SUMF2: variants seen among roughly 807,000 people sequenced by gnomAD.
SUMF2 encodes the protein inactive C-alpha-formylglycine-generating enzyme 2.
Under a neutral mutation model 44.8 loss-of-function variants are expected in SUMF2, and 45 were observed. That is an observed-to-expected ratio of 1.00 (90% CI 0.79 to 1.29). The LOEUF (loss-of-function observed/expected upper bound fraction) is 1.29, where lower values mean the gene tolerates loss of function less well. Among genes scored for constraint, SUMF2 ranks in the 50% most tolerant of loss-of-function variants. SUMF2 has a pLI of 0.00. For synonymous variants in SUMF2, 148 were observed against 150.4 expected, an observed-to-expected ratio of 0.98 and a Z score of 0.12; for missense variants, 418 against 389.9, an observed-to-expected ratio of 1.07 and a Z score of -0.61.
downstream of SUMF2, chr7:56,083,603 C>T (rs760457839): frequency 1.3e-6 from 2 of 1,535,504 alleles, no homozygotes; most frequent in East Asian, 4.6e-5. Context: ...GCCTGTGGCC[C>T]TAAGCCACGT....
rs1795297221 is a variant in SUMF2 at position 56,073,220 on chromosome 7, G to A, written c.339+109G>A. On this transcript the variant is annotated intron_variant, in intron 3 of 8. Transcript: ENST00000434526. ...CAGTGGAGAATCAGACCTGAGAGGT[G>A]GAGGCAGAGGGGAAGCAAGAGAAAC... is the stretch of plus-strand genomic sequence containing the variant. The A allele has an allele frequency of 4.9e-6, 4 of 818,606 alleles. No individual in the cohort carries two copies. The Admixed American group carries it at 6.0e-5, about 12-fold the overall frequency. The allele number at this position is 818,606 out of a possible 1,614,324, so 50.7% of individuals were successfully genotyped here.
At chr7:56,073,311 G>T in intron 3 of SUMF2, 200 bp downstream of exon 3, 1 of 637,192 alleles carries the variant, frequency 1.6e-6, no homozygotes, top group Non-Finnish European at 2.9e-6. Context: ...GTTAGCTCTT[G>T]CCTAAATGTC....
chr7:56,081,222 G>A (rs368804267), downstream of SUMF2: 10 of 1,613,746 alleles, frequency 6.2e-6, no homozygotes, highest in Admixed American at 5.0e-5. The surrounding 1 kb of genome is among the most constrained non-coding windows in gnomAD (Gnocchi z 4.6). Context: ...CTCGGATGAC[G>A]ATCTCCCGGG....
At chr7:56,081,222 G>C (rs368804267), downstream of SUMF2, 26 of 1,613,628 alleles carry the variant, frequency 1.6e-5, no homozygotes, top group East Asian at 3.1e-4. This position sits in a 1 kb window ranked among gnomAD's most constrained non-coding sequence, Gnocchi z 4.6. Flanking sequence ...CTCGGATGAC[G>C]ATCTCCCGGG....
At chr7:56,084,622 C>T (rs1199481633), downstream of SUMF2, among the ~76,000 whole-genome samples, 1 of 152,034 alleles carries the variant, frequency 6.6e-6, no homozygotes, top group Admixed American at 6.6e-5. Flanking sequence ...GATCACCCGT[C>T]TCAGCCTCCC....
At chr7:56,083,218 C>T, downstream of SUMF2, 1 of 1,472,512 alleles carries the variant, frequency 6.8e-7, no homozygotes, top group Non-Finnish European at 9.5e-7. Context: ...CATCTCTATT[C>T]TGCAGATGGT....
At chr7:56,081,510 G>T, downstream of SUMF2, 1 of 1,312,762 alleles carries the variant, frequency 7.6e-7, no homozygotes, top group Non-Finnish European at 1.1e-6. This position sits in a 1 kb window ranked among gnomAD's most constrained non-coding sequence, Gnocchi z 4.6. Flanking sequence ...TCACAGGGCA[G>T]CTGGGAGGGG....
intron 1 of SUMF2, among the ~76,000 whole-genome samples, chr7:56,066,108 AAAAAC>A (rs1023845676): frequency 1.4e-5 from 2 of 146,548 alleles, no homozygotes; most frequent in African/African-American, 2.5e-5. Context: ...AAAAAAAATC[AAAAAC>A]AAAACAAAAC....
At chr7:56,074,781 C>T (rs774822773) in intron 5 of SUMF2, 45 bp downstream of exon 5, 3 of 1,610,282 alleles carry the variant, frequency 1.9e-6, no homozygotes, top group Admixed American at 3.3e-5. Flanking sequence ...TCTCCCCATC[C>T]TGCCCAGCAT....
intron 8 of SUMF2, chr7:56,078,902 C>CTTTT: frequency 2.5e-6 from 1 of 393,898 alleles, no homozygotes; most frequent in South Asian, 4.8e-5. Flanking sequence ...CACGAAAAAT[C>CTTTT]TTTTTTTTTT....
At chr7:56,084,273 G>A, downstream of SUMF2, 1 of 1,314,032 alleles carries the variant, frequency 7.6e-7, no homozygotes, top group South Asian at 1.3e-5. Context: ...GGACTGGGAT[G>A]TATCGGGGCC....
rs1163535975 is a variant in SUMF2, at chr7:56,079,030, G to A, written c.822-498G>A. ...TTCCACCTCAGCTCCTCAAGTATCT[G>A]GGACTACAGGTGCGGCTAATTTTTG... On this transcript the variant is annotated intron_variant, in intron 8 of 8. Transcript: ENST00000434526. 5.2e-6 allele frequency: 3 copies of A among 578,446 alleles called. No individual in the cohort carries two copies. The East Asian group carries it at 8.8e-5, about 17-fold the overall frequency. The allele number at this position is 578,446 out of a possible 1,614,324, so 35.8% of individuals were successfully genotyped here.
Position 56,078,455 on chromosome 7 carries a change from C to G in SUMF2, c.768C>G (p.Ser256=). ...EQDMRVLRGA[S]WIDTADGSAN... is the part of the protein sequence containing the mutation. ...ACATGCGCGTCCTCCGGGGGGCATCCTGGATCGACACAGCTGATGGCTCTG... is the reference window on the plus strand; with the variant it reads ...ACATGCGCGTCCTCCGGGGGGCATCGTGGATCGACACAGCTGATGGCTCTG... Residue 256 remains serine (S), a synonymous_variant, in exon 8 of 9, where the codon TCC becomes TCG. Transcript: ENST00000434526. 6.2e-7 allele frequency: 1 copy of G among 1,606,706 alleles called. No homozygotes were observed.
intron 5 of SUMF2, among the ~76,000 whole-genome samples, chr7:56,076,151 C>T (rs1352253641): frequency 5.3e-5 from 8 of 152,086 alleles, no homozygotes; most frequent in Non-Finnish European, 1.2e-4. Context: ...CTCAGCCTCC[C>T]AAGTAGCTGG....
chr7:56,083,131 GA>G (rs914341032), downstream of SUMF2: 26 of 623,424 alleles, frequency 4.2e-5, no homozygotes, highest in South Asian at 9.3e-5. Flanking sequence ...GAAAGAAAAA[GA>G]AAAAAAAATC....
intron 8 of SUMF2, among the ~76,000 whole-genome samples, chr7:56,079,198 A>G (rs993703183): frequency 2.0e-5 from 3 of 152,172 alleles, no homozygotes; most frequent in Non-Finnish European, 4.4e-5. Context: ...GCTTGTGGAC[A>G]GGTTTTCTCT....
chr7:56,068,051 T>C (rs1794924194), intron 1 of SUMF2, among the ~76,000 whole-genome samples: 2 of 85,150 alleles, frequency 2.3e-5, no homozygotes, highest in South Asian at 3.5e-4. Flanking sequence ...TTTTTTTTTT[T>C]TGAGACAGAG....
intron 2 of SUMF2, among the ~76,000 whole-genome samples, chr7:56,069,869 C>G (rs1795048235): frequency 6.6e-6 from 1 of 151,952 alleles, no homozygotes; most frequent in African/African-American, 2.4e-5. Context: ...TAGGTGTGAC[C>G]CACCATGCCT....
chr7:56,071,580 T>G (rs1795154758), intron 2 of SUMF2, among the ~76,000 whole-genome samples: 1 of 148,758 alleles, frequency 6.7e-6, no homozygotes. Flanking sequence ...AGGTCAGGAG[T>G]TCAAGACCAA....
Sources: gnomAD v4.1 joint callset for allele counts (sites outside exome capture counted in the v4.1 genomes callset) on GRCh38, gnomAD v4.1.1 for gene constraint, Gnocchi (gnomAD v3.1) non-coding constraint, MANE v1.5 for transcripts, NCBI Gene and HGNC (gene_info 2026-07-23, HGNC 2026-07-21) for gene names.